The following IQCE variants were observed in gnomAD, a reference collection of about 807,000 sequenced individuals.
The protein encoded by IQCE is IQ domain-containing protein E.
In IQCE, 115 loss-of-function variants were observed where a neutral mutation model predicts 96.0. The observed-to-expected ratio is 1.20, with a 90% confidence interval of 1.03 to 1.40. IQCE has a LOEUF of 1.40. Among genes scored for constraint, IQCE ranks in the 40% most tolerant of loss-of-function variants. IQCE has a pLI of 0.00. For missense variants in IQCE, 1,041 were observed against 909.1 expected (o/e 1.15, Z -1.87); for synonymous variants, 412 against 371.2 (o/e 1.11, Z -1.26).
intron 6 of IQCE, among the ~76,000 whole-genome samples, chr7:2,577,281 G>A (rs878996053): frequency 2.6e-5 from 4 of 151,892 alleles, no homozygotes; most frequent in East Asian, 1.9e-4. Context: ...CGGTGTGTGC[G>A]CAGTGGCGTG....
At chr7:2,607,700 G>A (rs535186890) in intron 21 of IQCE, 14 of 296,896 alleles carry the variant, frequency 4.7e-5, no homozygotes, top group Admixed American at 2.4e-4. Flanking sequence ...TTCTCTGGCC[G>A]TCAGTCCCTT....
At chr7:2,585,607 C>T (rs934522563) in intron 11 of IQCE, among the ~76,000 whole-genome samples, 21 of 152,238 alleles carry the variant, frequency 1.4e-4, no homozygotes, top group African/African-American at 4.6e-4. Context: ...AGAGCCACAG[C>T]GCCAGGCAGG....
chr7:2,584,157 C>A (rs1274152304), intron 10 of IQCE, 79 bp from the exon 11 acceptor site: 25 of 1,257,406 alleles, frequency 2.0e-5, no homozygotes, highest in Admixed American at 1.3e-4. Context: ...GCGGTCAGGA[C>A]TGTGATGTTG....
Position 2,582,534 on chromosome 7 carries a change from A to T in IQCE, c.631-46A>T, listed in dbSNP as rs367951202. On this transcript the variant is annotated intron_variant, in intron 8 of 21. Transcript: ENST00000402050. ...CAGGAGGGGACAGCCGCTTCTACTGAGGGAGAGAGGGCGTGGCCTGCCTGA... is the reference window on the plus strand; with the variant it reads ...CAGGAGGGGACAGCCGCTTCTACTGTGGGAGAGAGGGCGTGGCCTGCCTGA... 4.7e-5 allele frequency: 73 copies of T among 1,548,750 alleles called. No individual in the cohort carries two copies. In the African/African-American group the frequency reaches 8.4e-4, roughly 18 times the overall value.
intron 1 of IQCE, among the ~76,000 whole-genome samples, chr7:2,565,137 T>C (rs113856914): frequency 1.0e-5 from 1 of 97,288 alleles, no homozygotes; most frequent in African/African-American, 5.6e-5. Flanking sequence ...TGTGTGAGTG[T>C]GTGTGTGTGT....
At position 2,582,611 on chromosome 7, in the gene IQCE, A is replaced by G. The variant is rs2128449802; in HGVS notation, c.662A>G (p.Lys221Arg). ...AACGGGCTGAAGCAGAGGATCCTGA[A>G]GCTGGAACAGCAGTGCAAGGAGAAG... is the stretch of plus-strand genomic sequence containing the variant. ...VINGLKQRILKLEQQCKEKDG... is the reference protein window; with the variant it reads ...VINGLKQRILRLEQQCKEKDG... Residue 221 changes from lysine to arginine, a missense_variant, in exon 9 of 22, where the codon AAG (lysine) becomes AGG (arginine). Lys to Arg is a conservative substitution (Grantham distance 26). Transcript: ENST00000402050. 3 of 1,614,070 alleles carry G rather than the reference A, an allele frequency of 1.9e-6. No individual in the cohort carries two copies. The highest frequency in any genetic ancestry group is 2.5e-6 in the Non-Finnish European group (3 of 1,179,982).
At chr7:2,586,415 CAGGGAAT>C in intron 12 of IQCE, 44 bp downstream of exon 12, 1 of 1,408,420 alleles carries the variant, frequency 7.1e-7, no homozygotes, top group Non-Finnish European at 9.3e-7. Context: ...CAGGGAATGG[CAGGGAAT>C]GGCAGGGCAT....
intron 1 of IQCE, among the ~76,000 whole-genome samples, chr7:2,562,245 T>A (rs982978438): frequency 6.6e-6 from 1 of 151,722 alleles, no homozygotes; most frequent in Non-Finnish European, 1.5e-5. Flanking sequence ...TGTGTGTGTG[T>A]GTGTGTGCAC....
Position 2,612,490 on chromosome 7 carries a change from G to C in IQCE, c.*2328G>C, listed in dbSNP as rs372210262. 3 of 152,386 alleles carry C rather than the reference G, an allele frequency of 2.0e-5. No homozygotes were observed. Among genetic ancestry groups the C allele is most frequent in the Admixed American group, 1.3e-4 (2 of 15,280 alleles). The allele number at this position is 152,386 out of a possible 1,614,324, so 9.4% of individuals were successfully genotyped here. A position where few individuals can be genotyped will look rare whatever the true frequency, so the allele number is the denominator to read the frequency against. On this transcript the variant is annotated 3_prime_UTR_variant, in exon 22 of 22. Transcript: ENST00000402050. ...TGGGGGCCAGGGGTTCTGGCCCTGCGGGGACTTAGGCAGGAGGGGAAGAGA... is the reference window on the plus strand; with the variant it reads ...TGGGGGCCAGGGGTTCTGGCCCTGCCGGGACTTAGGCAGGAGGGGAAGAGA...
At position 2,588,004 on chromosome 7, in the gene IQCE, A is replaced by C. The variant is rs565899084; in HGVS notation, c.1044+127A>C. 8 of 874,104 alleles carry C rather than the reference A, an allele frequency of 9.2e-6. No homozygotes were observed. In the South Asian group the frequency reaches 1.1e-4, roughly 12 times the overall value. The allele number at this position is 874,104 out of a possible 1,614,324, so 54.1% of individuals were successfully genotyped here. On this transcript the variant is annotated intron_variant, in intron 13 of 21. Transcript: ENST00000402050. The stretch of plus-strand genomic sequence containing the variant: ...CTGTCTGCCAGGCAGCGCCACACAC[A>C]GACCGCAAGGAGACTTCTTCCAGGT...
At position 2,567,248 on chromosome 7, in the gene IQCE, G is replaced by A. The variant is rs78395861; in HGVS notation, c.84+85G>A. The A allele has an allele frequency of 7.1e-4, 725 of 1,026,218 alleles. 7 individuals carry two copies. In the East Asian group the frequency reaches 0.014, roughly 20 times the overall value. The allele number at this position is 1,026,218 out of a possible 1,614,324, so 63.6% of individuals were successfully genotyped here. A position where few individuals can be genotyped will look rare whatever the true frequency, so the allele number is the denominator to read the frequency against. Reference sequence around the variant, plus strand: ...TGCACTCGGAAGCGTAAAATAGGCCGTTCTCCACAATACTGTGTCGAGAGC... The same window carrying A: ...TGCACTCGGAAGCGTAAAATAGGCCATTCTCCACAATACTGTGTCGAGAGC... On this transcript the variant is annotated intron_variant, in intron 2 of 21. Coordinates refer to ENST00000402050, the MANE Select transcript of IQCE (RefSeq NM_152558.5).
intron 17 of IQCE, among the ~76,000 whole-genome samples, chr7:2,598,909 T>C (rs1368539787): frequency 6.6e-6 from 1 of 152,264 alleles, no homozygotes; most frequent in Admixed American, 6.5e-5. Context: ...AACATCGGCA[T>C]GTATCTTCTA....
intron 16 of IQCE, among the ~76,000 whole-genome samples, chr7:2,595,215 TAA>T (rs980783701): frequency 3.7e-4 from 57 of 152,308 alleles, no homozygotes; most frequent in African/African-American, 1.3e-3. Flanking sequence ...GGCTGGTGAG[TAA>T]AGAGTTTTCC....
chr7:2,596,508 G>A (rs1784053762), intron 16 of IQCE, among the ~76,000 whole-genome samples: 3 of 151,452 alleles, frequency 2.0e-5, no homozygotes, highest in Non-Finnish European at 2.9e-5. Context: ...CTATTTTAGA[G>A]AAAAGGAAGA....
intron 17 of IQCE, among the ~76,000 whole-genome samples, 154 bp from the exon 18 acceptor site, chr7:2,601,286 GT>G (rs1190074200): frequency 6.6e-6 from 1 of 152,210 alleles, no homozygotes; most frequent in Non-Finnish European, 1.5e-5. Context: ...AAAGGCGTTT[GT>G]TTGCTGGGTC....
At position 2,573,525 on chromosome 7, in the gene IQCE, G is replaced by A. The variant is rs565360602; in HGVS notation, c.465+37G>A. On this transcript the variant is annotated intron_variant, in intron 6 of 21. Transcript: ENST00000402050. ...GTTTGTTCTCTATTGATTTGAAACG[G>A]TGAAAGCTTCCTATAACAATGTATT... The A allele has an allele frequency of 3.2e-5, 36 of 1,116,214 alleles. No individual in the cohort carries two copies. The Middle Eastern group carries it at 5.9e-4, about 18-fold the overall frequency. The allele number at this position is 1,116,214 out of a possible 1,614,324, so 69.1% of individuals were successfully genotyped here. A position where few individuals can be genotyped will look rare whatever the true frequency, so the allele number is the denominator to read the frequency against.
chr7:2,595,613 T>G (rs964065914), intron 16 of IQCE, among the ~76,000 whole-genome samples: 1 of 151,998 alleles, frequency 6.6e-6, no homozygotes, highest in Non-Finnish European at 1.5e-5. Context: ...GGTCCCTGGC[T>G]CTCTGCTGCC....
In IQCE at chr7:2,610,263, C is replaced by A; in HGVS notation, c.*101C>A. Reference sequence around the variant, plus strand: ...TCGTGTTAGGAGAAGAACGATGATACCTACTTAACACCTCAGCATCTGCGT... The same window carrying A: ...TCGTGTTAGGAGAAGAACGATGATAACTACTTAACACCTCAGCATCTGCGT... On this transcript the variant is annotated 3_prime_UTR_variant, in exon 22 of 22. Coordinates refer to ENST00000402050, the MANE Select transcript of IQCE (RefSeq NM_152558.5). The A allele has an allele frequency of 1.3e-6, 1 of 763,770 alleles. No homozygotes were observed. Among genetic ancestry groups the A allele is most frequent in the Non-Finnish European group, 2.4e-6 (1 of 424,114 alleles). 47.3% of individuals were successfully genotyped at this position (763,770 alleles called of 1,614,324 possible).
At chr7:2,594,757 C>T in intron 15 of IQCE, 129 bp from the exon 16 acceptor site, 2 of 716,130 alleles carry the variant, frequency 2.8e-6, no homozygotes. Flanking sequence ...GACATGGCCC[C>T]ACCAGCTCTC....
Sources: allele counts gnomAD v4.1 joint callset (sites outside exome capture counted in the v4.1 genomes callset), GRCh38; gene constraint gnomAD v4.1.1; transcripts MANE v1.5; gene names NCBI Gene and HGNC (gene_info 2026-07-23, HGNC 2026-07-21).